The following ZNF665 variants were observed in gnomAD, a reference collection of about 807,000 sequenced individuals.
The protein encoded by ZNF665 is zinc finger protein 665.
In ZNF665, 6 loss-of-function variants were observed where a neutral mutation model predicts 7.9. The observed-to-expected ratio is 0.76, with a 90% CI of 0.42 to 1.50. The LOEUF is 1.50. ZNF665 is among the 40% of genes most tolerant of loss of function. The pLI is 0.01. For missense variants in ZNF665, 819 were observed against 806.7 expected, an observed-to-expected ratio of 1.02 and a Z score of -0.18; for synonymous variants, 242 against 274.5, an observed-to-expected ratio of 0.88 and a Z score of 1.17.
chr19:53,170,343 T>A (rs2146847498), intron 3 of ZNF665, among the ~76,000 whole-genome samples: 1 of 152,320 alleles, frequency 6.6e-6, no homozygotes, highest in South Asian at 2.1e-4. Context: ...ATATATAGAA[T>A]GTGGAATGAT....
Position 53,172,824 on chromosome 19 carries a change from C to CA in ZNF665, c.142+2620dup, listed in dbSNP as rs66604312. On this transcript the variant is annotated intron_variant, in intron 3 of 3. Transcript: ENST00000396424. ...TGGGTGACAGAGCGAGATTCTGTCT[C>CA]AAAAAAAAAAAAAAAAAAAAAAGGA... Among the ~76,000 whole-genome samples, 257 of 82,654 alleles carry CA rather than the reference C, an allele frequency of 3.1e-3. 1 individual carries two copies. Among genetic ancestry groups the CA allele is most frequent in the African/African-American group, 0.01 (229 of 22,236 alleles). The allele number at this position is 82,654 out of a possible 152,430, so 54.2% of individuals were successfully genotyped here.
chr19:53,177,208 G>A (rs921751312), intron 2 of ZNF665, among the ~76,000 whole-genome samples: 21 of 152,292 alleles, frequency 1.4e-4, no homozygotes, highest in African/African-American at 4.8e-4. Flanking sequence ...AGCAAGTTAT[G>A]TCTGTTTAAT....
chr19:53,174,945 C>CA (rs1168901820), intron 3 of ZNF665, among the ~76,000 whole-genome samples: 530 of 43,354 alleles, frequency 0.012, 2 homozygotes, highest in East Asian at 0.022. Flanking sequence ...AACTCCGTCT[C>CA]AAAAAAAAAA....
chr19:53,189,715 A>G (rs1045249500), intron 1 of ZNF665, among the ~76,000 whole-genome samples: 1 of 149,298 alleles, frequency 6.7e-6, no homozygotes, highest in Admixed American at 6.7e-5. Context: ...GGCGAGCCTG[A>G]CTGATGTCAG....
chr19:53,182,029 T>C (rs1210927192), intron 2 of ZNF665: 2 of 152,264 alleles, frequency 1.3e-5, no homozygotes, highest in Non-Finnish European at 2.9e-5. Context: ...ATATTCTGTC[T>C]TTTCAGGGCG....
chr19:53,182,840 T>C (rs1246585426), intron 2 of ZNF665, 44 bp downstream of exon 2: 3 of 1,613,534 alleles, frequency 1.9e-6, no homozygotes, highest in East Asian at 4.5e-5. Context: ...CCAAGGTTTC[T>C]GAAAGGAAGG....
At chr19:53,184,719 A>G (rs969878364) in intron 1 of ZNF665, among the ~76,000 whole-genome samples, 1 of 152,142 alleles carries the variant, frequency 6.6e-6, no homozygotes, top group Non-Finnish European at 1.5e-5. Flanking sequence ...GAGATAAAAG[A>G]AAAGGCAGCT....
rs370109452 is a variant in ZNF665 at position 53,175,481 on chromosome 19, C to T, written c.106G>A (p.Val36Ile). The T allele has an allele frequency of 4.1e-5, 66 of 1,612,400 alleles. No individual in the cohort carries two copies. Among genetic ancestry groups the T allele is most frequent in the Non-Finnish European group, 5.3e-5 (62 of 1,179,478 alleles). The change falls in exon 3 of 4, where the codon GTC (valine) becomes ATC (isoleucine). Residue 36 changes from valine to isoleucine, a missense_variant. Coordinates refer to ENST00000396424, the MANE Select transcript of ZNF665 (RefSeq NM_024733.5). ...AGGTTCCTATAATTCTCCAACATGA[C>T]GTCCCTGTACAAAGTCTTCTGAGCA... ...DPAQKTLYRDVMLENYRNLVS... is the reference protein window; with the variant it reads ...DPAQKTLYRDIMLENYRNLVS...
At chr19:53,170,001 CGT>C (rs2090645806) in intron 3 of ZNF665, among the ~76,000 whole-genome samples, 1 of 145,378 alleles carries the variant, frequency 6.9e-6, no homozygotes, top group Non-Finnish European at 1.5e-5. Context: ...CATACGTGTG[CGT>C]GTGTCTTTAT....
chr19:53,192,717 C>T (rs971678515), intron 1 of ZNF665, among the ~76,000 whole-genome samples: 8 of 152,136 alleles, frequency 5.3e-5, no homozygotes, highest in Non-Finnish European at 4.4e-5. Flanking sequence ...CCTGGAGGAG[C>T]ACATTTTCCA....
In ZNF665 at chr19:53,164,313, T is replaced by G. The variant is rs2090585966; in HGVS notation, c.*140A>C. On this transcript the variant is annotated 3_prime_UTR_variant, in exon 4 of 4. Transcript: ENST00000396424. Reference sequence around the variant, plus strand: ...CCACCACACCCAGCTAATTTTTGTATTTTTAGTAGAGACAGCGTTTCACCG... The same window carrying G: ...CCACCACACCCAGCTAATTTTTGTAGTTTTAGTAGAGACAGCGTTTCACCG... 2 of 653,450 alleles carry G rather than the reference T, an allele frequency of 3.1e-6. No individual in the cohort carries two copies. Among genetic ancestry groups the G allele is most frequent in the Non-Finnish European group, 5.0e-6 (2 of 403,158 alleles). 40.5% of individuals were successfully genotyped at this position (653,450 alleles called of 1,614,324 possible).
intron 3 of ZNF665, among the ~76,000 whole-genome samples, chr19:53,167,630 T>C (rs2090626163): frequency 6.6e-6 from 1 of 150,508 alleles, no homozygotes; most frequent in African/African-American, 2.4e-5. Flanking sequence ...GTATTTTTAG[T>C]AGAGACGGGG....
chr19:53,191,788 A>T (rs578067199), intron 1 of ZNF665: 2 of 152,350 alleles, frequency 1.3e-5, no homozygotes, highest in African/African-American at 4.8e-5. Flanking sequence ...AGTTACAGTG[A>T]GTCGAGATCG....
intron 3 of ZNF665, among the ~76,000 whole-genome samples, chr19:53,172,458 C>T (rs1458531082): frequency 2.0e-5 from 3 of 152,176 alleles, no homozygotes; most frequent in African/African-American, 7.2e-5. Flanking sequence ...AGTAGCCATT[C>T]TGACAACTAC....
chr19:53,190,951 C>T (rs972440411), intron 1 of ZNF665, among the ~76,000 whole-genome samples: 7 of 138,236 alleles, frequency 5.1e-5, no homozygotes, highest in African/African-American at 2.3e-4. Context: ...GACCGGCAAA[C>T]AAAAAACAAT....
chr19:53,163,535 T>A lies in ZNF665; in HGVS notation c.*918A>T, dbSNP rs539960910. The stretch of plus-strand genomic sequence containing the variant: ...GAGAAATAATCCTCACCTAATGAAG[T>A]GAGTGAGCCCTTCCATCCTTTGATT... On this transcript the variant is annotated 3_prime_UTR_variant, in exon 4 of 4. Transcript: ENST00000396424. The A allele has an allele frequency of 6.6e-6, 1 of 152,324 alleles. No individual in the cohort carries two copies. Among genetic ancestry groups the A allele is most frequent in the African/African-American group, 2.4e-5 (1 of 41,566 alleles). 9.4% of individuals were successfully genotyped at this position (152,324 alleles called of 1,614,324 possible).
intron 3 of ZNF665, among the ~76,000 whole-genome samples, chr19:53,175,004 C>T (rs964403185): frequency 3.3e-5 from 5 of 150,374 alleles, no homozygotes; most frequent in Middle Eastern, 3.2e-3. Flanking sequence ...ATATAATGTG[C>T]TGTGGCTTTT....
chr19:53,178,643 T>G (rs562294522), intron 2 of ZNF665, among the ~76,000 whole-genome samples: 1 of 152,150 alleles, frequency 6.6e-6, no homozygotes, highest in East Asian at 1.9e-4. Flanking sequence ...TGTTGGAGAA[T>G]GAAGGGTAAA....
At chr19:53,182,495 C>T (rs545850202) in intron 2 of ZNF665, 15 of 529,088 alleles carry the variant, frequency 2.8e-5, no homozygotes, top group African/African-American at 1.3e-4. Flanking sequence ...TACAGCATTT[C>T]GTGGGTGCTT....
Sources: allele counts gnomAD v4.1 joint callset (sites outside exome capture counted in the v4.1 genomes callset), GRCh38; gene constraint gnomAD v4.1.1; transcripts MANE v1.5; gene names NCBI Gene and HGNC (gene_info 2026-07-23, HGNC 2026-07-21).